ZNF717: variants seen among roughly 807,000 people sequenced by gnomAD.
ZNF717 encodes the protein krueppel-like factor X17.
In ZNF717, 9 loss-of-function variants were observed where a neutral mutation model predicts 13.8. The ratio of observed to expected loss-of-function variants is 0.65; its 90% CI spans 0.39 to 1.14. The LOEUF is 1.14. Ranked by LOEUF, ZNF717 falls within the 50% of genes most tolerant of loss-of-function variation. The pLI, the probability that ZNF717 is intolerant of heterozygous loss-of-function variation, is 0.01. For missense variants in ZNF717, 1,040 were observed against 1,080.7 expected (o/e 0.96, Z 0.53); for synonymous variants, 327 against 364.1 (o/e 0.90, Z 1.16).
chr3:75,759,437 C>T (rs57270057), intron 2 of ZNF717, among the ~76,000 whole-genome samples: 14 of 151,062 alleles, frequency 9.3e-5, no homozygotes, highest in East Asian at 3.9e-4. Context: ...CACAACGCCC[C>T]GCTAATTTTT....
downstream of ZNF717, among the ~76,000 whole-genome samples, chr3:75,726,914 T>C (rs1398564902): frequency 6.6e-6 from 1 of 152,162 alleles, no homozygotes; most frequent in Non-Finnish European, 1.5e-5. Context: ...CCATATGCAG[T>C]CATGTGCCTC....
At chr3:75,771,704 A>T (rs1943893661) in intron 2 of ZNF717, among the ~76,000 whole-genome samples, 1 of 152,232 alleles carries the variant, frequency 6.6e-6, no homozygotes, top group Admixed American at 6.5e-5. Context: ...GGTGGGAGCC[A>T]GGAACGGGTG....
intron 2 of ZNF717, among the ~76,000 whole-genome samples, chr3:75,773,606 T>C (rs554721265): frequency 6.6e-6 from 1 of 152,314 alleles, no homozygotes; most frequent in African/African-American, 2.4e-5. Context: ...TGAAAAATGT[T>C]AATTTGGTTA....
chr3:75,714,287 C>G (rs796178134), intron 5 of ZNF717, among the ~76,000 whole-genome samples: 1 of 151,520 alleles, frequency 6.6e-6, no homozygotes, highest in African/African-American at 2.4e-5. Flanking sequence ...TTGGCACTGA[C>G]ACTACTGCTA....
rs879158402 is a variant in ZNF717 at position 75,699,240 on chromosome 3, T to C, written n.1085+11947A>G. Among the ~76,000 whole-genome samples the C allele has an allele frequency of 8.5e-5, 13 of 152,408 alleles. No individual in the cohort carries two copies. In the East Asian group the frequency reaches 2.5e-3, roughly 29 times the overall value. On this transcript the variant is annotated intron_variant and non_coding_transcript_variant, in intron 6 of 6. Coordinates refer to the ZNF717 transcript ENST00000648506. ...ACTAGCTTTGTCTTAGATGAGACTT[T>C]TGACTTTTCAGTTAAGGCTGAAATG...
Position 75,741,316 on chromosome 3 carries a change from C to T in ZNF717, c.237G>A (p.Glu79=). 5 of 1,549,466 alleles carry T rather than the reference C, an allele frequency of 3.2e-6. No homozygotes were observed. The highest frequency in any genetic ancestry group is 1.7e-4 in the Middle Eastern group (1 of 5,984). The part of the protein sequence containing the change: ...EMIFKLEQGA[E]PWIVEETPNL... Reference sequence around the variant, plus strand: ...TTGGGGTTTCTTCTACTATCCATGGCTCTGCTCCTTGCTCTAGCTTGAAGA... The same window carrying T: ...TTGGGGTTTCTTCTACTATCCATGGTTCTGCTCCTTGCTCTAGCTTGAAGA... Residue 79 remains glutamate, a synonymous_variant, in exon 4 of 5, where the codon GAG becomes GAA. Transcript: ENST00000652011.
chr3:75,769,225 G>A (rs200416440), intron 2 of ZNF717, among the ~76,000 whole-genome samples: 7 of 151,942 alleles, frequency 4.6e-5, no homozygotes, highest in Non-Finnish European at 8.8e-5. Flanking sequence ...TACAGCTTCT[G>A]CCTGGGCCTC....
At chr3:75,769,228 T>C (rs1943720836) in intron 2 of ZNF717, among the ~76,000 whole-genome samples, 1 of 152,160 alleles carries the variant, frequency 6.6e-6, no homozygotes, top group Non-Finnish European at 1.5e-5. Flanking sequence ...AGCTTCTGCC[T>C]GGGCCTCTTG....
chr3:75,738,938 T>C lies in ZNF717; in HGVS notation c.685A>G (p.Arg229Gly). The C allele has an allele frequency of 6.4e-7, 1 of 1,551,546 alleles. No homozygotes were observed. The highest frequency in any genetic ancestry group is 2.0e-5 in the Admixed American group (1 of 51,004). The change falls in exon 5 of 5, where the codon AGG becomes GGG. Residue 229 changes from arginine to glycine, a missense_variant. Coordinates refer to ENST00000652011, the MANE Select transcript of ZNF717 (RefSeq NM_001290208.3). ...NTEAMFFIHK[R>G]VHIVQTFGKY... ...CCAAAGGTCTGTACTATATGAACCC[T>C]CTTATGTATAAAGAACATTGCCTCC...
chr3:75,714,121 A>C (rs1268255660), intron 5 of ZNF717, among the ~76,000 whole-genome samples: 2 of 152,178 alleles, frequency 1.3e-5, no homozygotes, highest in Non-Finnish European at 2.9e-5. Context: ...ACTGAAGCAC[A>C]GTATCACAGG....
intron 2 of ZNF717, among the ~76,000 whole-genome samples, chr3:75,742,134 T>A (rs1280764993): frequency 6.6e-6 from 1 of 152,082 alleles, no homozygotes; most frequent in Non-Finnish European, 1.5e-5. Flanking sequence ...GATAAAAGTA[T>A]AAACAAAATG....
At chr3:75,727,658 C>G (rs1938315186), downstream of ZNF717, among the ~76,000 whole-genome samples, 1 of 152,232 alleles carries the variant, frequency 6.6e-6, no homozygotes, top group Admixed American at 6.5e-5. Context: ...CAGACTGGTT[C>G]TCTGCTCTTG....
intron 2 of ZNF717, among the ~76,000 whole-genome samples, chr3:75,769,895 T>C (rs761880028): frequency 2.6e-5 from 4 of 152,220 alleles, no homozygotes; most frequent in Non-Finnish European, 2.9e-5. Flanking sequence ...TAAACATATA[T>C]TGTATATGTT....
intron 4 of ZNF717, among the ~76,000 whole-genome samples, chr3:75,722,071 C>T (rs1424567155): frequency 6.9e-6 from 1 of 144,540 alleles, no homozygotes; most frequent in South Asian, 2.3e-4. Flanking sequence ...CACGTTGAAA[C>T]CCCATCTCTA....
At chr3:75,708,382 T>TC (rs200319362), downstream of ZNF717, among the ~76,000 whole-genome samples, 819 of 141,394 alleles carry the variant, frequency 5.8e-3, 1 homozygote, top group African/African-American at 0.021. Flanking sequence ...TCTAGCAAAC[T>TC]CCAACAGACC....
chr3:75,708,436 G>C (rs1222687186), downstream of ZNF717, among the ~76,000 whole-genome samples: 1 of 151,864 alleles, frequency 6.6e-6, no homozygotes, highest in Non-Finnish European at 1.5e-5. Context: ...CTAACAAACA[G>C]AAAGGACATC....
downstream of ZNF717, among the ~76,000 whole-genome samples, chr3:75,732,624 T>C (rs1473239816): frequency 6.6e-6 from 1 of 152,220 alleles, no homozygotes; most frequent in Non-Finnish European, 1.5e-5. Context: ...ATGGGTCTCA[T>C]CAAACACTGA....
chr3:75,707,764 T>C (rs62247300), downstream of ZNF717, among the ~76,000 whole-genome samples: 20,013 of 152,088 alleles, frequency 0.13, 1,472 homozygotes, highest in Non-Finnish European at 0.17. Flanking sequence ...TACTGCGCTT[T>C]TCCAATGGGC....
intron 2 of ZNF717, among the ~76,000 whole-genome samples, chr3:75,766,526 C>A (rs1400992518): frequency 1.3e-5 from 2 of 152,186 alleles, no homozygotes; most frequent in Non-Finnish European, 1.5e-5. Context: ...CACACACACA[C>A]AAAACCTCAA....
Sources: allele counts gnomAD v4.1 joint callset (sites outside exome capture counted in the v4.1 genomes callset), GRCh38; gene constraint gnomAD v4.1.1; transcripts MANE v1.5; gene names NCBI Gene and HGNC (gene_info 2026-07-23, HGNC 2026-07-21).